The following CLYBL variants were observed in gnomAD, a reference collection of about 807,000 sequenced individuals.
CLYBL encodes citramalyl-CoA lyase, mitochondrial.
CLYBL carries 31 observed loss-of-function variants against 38.9 expected under a neutral mutation model. The observed-to-expected ratio is 0.80, with a 90% CI of 0.60 to 1.08. The LOEUF (loss-of-function observed/expected upper bound fraction) is 1.08, where lower values mean the gene tolerates loss of function less well. Among genes scored for constraint, CLYBL ranks in the 50% least tolerant of loss-of-function variants. The pLI is 0.00. For missense variants in CLYBL, 434 were observed against 411.6 expected (o/e 1.05, Z -0.47); for synonymous variants, 171 against 158.6 (o/e 1.08, Z -0.59).
At chr13:99,670,696 T>G (rs1331795784) in intron 1 of CLYBL, among the ~76,000 whole-genome samples, 1 of 152,204 alleles carries the variant, frequency 6.6e-6, no homozygotes, top group Admixed American at 6.5e-5. Context: ...ACGATTTAAC[T>G]GCAAAATTGA....
rs1217899656 is a variant in CLYBL at position 99,849,871 on chromosome 13, C to T, written c.250-8990C>T. 3.3e-5 allele frequency among the ~76,000 whole-genome samples: 5 copies of T among 152,248 alleles called. No homozygotes were observed. In the East Asian group the frequency reaches 9.6e-4, roughly 29 times the overall value. ...CAAGGAGGCAGACAGAAGTAAGCCC[C>T]TTCTTTCCACTGGAGTTTTCTCTTT... is the stretch of plus-strand genomic sequence containing the variant. On this transcript the variant is annotated intron_variant, in intron 2 of 8. Coordinates refer to ENST00000339105, the MANE Select transcript of CLYBL (RefSeq NM_206808.5). This position sits in a 1 kb window ranked among gnomAD's most constrained non-coding sequence, Gnocchi z 4.9.
At chr13:99,614,764 A>G (rs2046682623) in intron 1 of CLYBL, among the ~76,000 whole-genome samples, 1 of 149,410 alleles carries the variant, frequency 6.7e-6, no homozygotes, top group Non-Finnish European at 1.5e-5. Context: ...GGGAGAGGCC[A>G]AGGAGTCAGG....
At chr13:99,715,510 C>T (rs1242934326) in intron 1 of CLYBL, among the ~76,000 whole-genome samples, 2 of 151,592 alleles carry the variant, frequency 1.3e-5, no homozygotes, top group Non-Finnish European at 2.9e-5. Context: ...TCAGGTGATC[C>T]TCCTGCCTTA....
intron 1 of CLYBL, among the ~76,000 whole-genome samples, chr13:99,607,235 A>T (rs1188581856): frequency 6.6e-6 from 1 of 152,206 alleles, no homozygotes; most frequent in East Asian, 1.9e-4. Flanking sequence ...CCAGAAATTT[A>T]AAAAATATTC....
chr13:99,884,118 A>G (rs900558551), intron 7 of CLYBL, among the ~76,000 whole-genome samples: 4 of 152,176 alleles, frequency 2.6e-5, no homozygotes, highest in Non-Finnish European at 5.9e-5. Flanking sequence ...TCAGCCCAAG[A>G]GTGCTGGGAT....
exon 10 of CLYBL, among the ~76,000 whole-genome samples, chr13:99,908,304 G>A (rs944755470): frequency 6.6e-6 from 1 of 152,162 alleles, no homozygotes; most frequent in African/African-American, 2.4e-5. Context: ...TGTGAAGGGA[G>A]GTTTGGAGGA....
chr13:99,671,193 A>C (rs2047560173), intron 1 of CLYBL, among the ~76,000 whole-genome samples: 1 of 152,152 alleles, frequency 6.6e-6, no homozygotes, highest in South Asian at 2.1e-4. Context: ...ATCCTATTTT[A>C]GGACTCTTAT....
intron 2 of CLYBL, among the ~76,000 whole-genome samples, chr13:99,826,028 G>A (rs543654353): frequency 6.6e-6 from 1 of 152,298 alleles, no homozygotes; most frequent in African/African-American, 2.4e-5. Context: ...AAGGGAGAAG[G>A]CCAGACTCTT....
intron 2 of CLYBL, among the ~76,000 whole-genome samples, chr13:99,817,424 C>T (rs2050474702): frequency 2.0e-5 from 3 of 151,978 alleles, no homozygotes; most frequent in South Asian, 2.1e-4. Context: ...TTTGGGAGGC[C>T]GAGGCGGGCG....
chr13:99,664,164 T>C (rs2139340931), intron 1 of CLYBL, among the ~76,000 whole-genome samples: 1 of 152,380 alleles, frequency 6.6e-6, no homozygotes, highest in Non-Finnish European at 1.5e-5. Context: ...TGGAGCTTGA[T>C]GTCTCTTCGG....
chr13:99,689,573 G>A (rs1250871602), intron 1 of CLYBL, among the ~76,000 whole-genome samples: 3 of 152,210 alleles, frequency 2.0e-5, no homozygotes, highest in Admixed American at 1.3e-4. Context: ...AGTCATATCT[G>A]TAAATGAGAG....
chr13:99,904,291 C>T (rs1024191041), intron 8 of CLYBL, among the ~76,000 whole-genome samples: 1 of 152,190 alleles, frequency 6.6e-6, no homozygotes, highest in Non-Finnish European at 1.5e-5. Context: ...ACAGAACTCC[C>T]AGACCTCGAA....
In CLYBL at chr13:99,870,999, T is replaced by A; in HGVS notation, c.864T>A (p.Pro288=). The change falls in exon 7 of 9, where the codon CCT becomes CCA. Residue 288 remains proline, a synonymous_variant. Coordinates refer to ENST00000339105, the MANE Select transcript of CLYBL (RefSeq NM_206808.5). ...TCCAGGAGCAGTTTTCTCCTTCCCCTGAAAAAATTAAGTGGGCTGAAGAAC... is the reference window on the plus strand; with the variant it reads ...TCCAGGAGCAGTTTTCTCCTTCCCCAGAAAAAATTAAGTGGGCTGAAGAAC... ...AVVQEQFSPS[P]EKIKWAEELI... is the part of the protein sequence containing the mutation. 1 of 1,613,732 alleles carries A rather than the reference T, an allele frequency of 6.2e-7. No homozygotes were observed. Among genetic ancestry groups the A allele is most frequent in the South Asian group, 1.1e-5 (1 of 91,018 alleles).
intron 1 of CLYBL, among the ~76,000 whole-genome samples, chr13:99,655,010 A>T (rs1188850620): frequency 6.6e-6 from 1 of 151,966 alleles, no homozygotes; most frequent in African/African-American, 2.4e-5. Flanking sequence ...TCAGAAGAAG[A>T]ACCCCCTTCC....
intron 1 of CLYBL, among the ~76,000 whole-genome samples, chr13:99,752,558 C>G (rs1361128047): frequency 2.0e-5 from 3 of 152,068 alleles, no homozygotes; most frequent in Non-Finnish European, 4.4e-5. Context: ...CACAGCCCAG[C>G]CCAGGCCAGG....
Position 99,636,065 on chromosome 13 carries a change from A to C in CLYBL, c.62+29308A>C, listed in dbSNP as rs567815891. On this transcript the variant is annotated intron_variant, in intron 1 of 8. Coordinates refer to ENST00000339105, the MANE Select transcript of CLYBL (RefSeq NM_206808.5). ...ACTTTTAATGAGTTTGAATTTTAAC[A>C]GAGTACATTTGCTAAGTTAAAAGAG... 1.8e-4 allele frequency among the ~76,000 whole-genome samples: 28 copies of C among 152,354 alleles called. No homozygotes were observed. The South Asian group carries it at 5.4e-3, about 29-fold the overall frequency.
chr13:99,685,368 C>T (rs2047801590), intron 1 of CLYBL, among the ~76,000 whole-genome samples: 1 of 152,108 alleles, frequency 6.6e-6, no homozygotes, highest in South Asian at 2.1e-4. Context: ...TAAAATAATT[C>T]TTCAAGAAAA....
intron 2 of CLYBL, among the ~76,000 whole-genome samples, chr13:99,795,506 T>G (rs1299726065): frequency 1.3e-5 from 2 of 151,974 alleles, no homozygotes; most frequent in Non-Finnish European, 2.9e-5. Flanking sequence ...AAAAAAAAAT[T>G]ACCCAGGCAT....
chr13:99,687,631 C>T (rs2047837338), intron 1 of CLYBL, among the ~76,000 whole-genome samples: 1 of 152,070 alleles, frequency 6.6e-6, no homozygotes, highest in African/African-American at 2.4e-5. Context: ...ACTTTTGAAC[C>T]AAAAGACATA....
Sources: gnomAD v4.1 joint callset for allele counts (sites outside exome capture counted in the v4.1 genomes callset) on GRCh38, gnomAD v4.1.1 for gene constraint, Gnocchi (gnomAD v3.1) non-coding constraint, MANE v1.5 for transcripts, NCBI Gene and HGNC (gene_info 2026-07-23, HGNC 2026-07-21) for gene names.